SLC45A3: variants seen among roughly 807,000 people sequenced by gnomAD.
The protein encoded by SLC45A3 is solute carrier family 45 member 3.
In SLC45A3, 17 loss-of-function variants were observed where a neutral mutation model predicts 35.3. The observed-to-expected ratio is 0.48, with a 90% CI of 0.33 to 0.72. The LOEUF (loss-of-function observed/expected upper bound fraction) is 0.72. Among genes scored for constraint, SLC45A3 ranks in the 30% least tolerant of loss-of-function variants. The pLI is 0.02. For missense variants in SLC45A3, 597 were observed against 731.7 expected (o/e 0.82, Z 2.12); for synonymous variants, 288 against 334.3 (o/e 0.86, Z 1.51).
chr1:205,664,494 T>C lies in SLC45A3; in HGVS notation c.163A>G (p.Met55Val). ...EVGVEEKFMT[M>V]VLGIGPVLGL... is the part of the protein sequence containing the mutation. Reference sequence around the variant, plus strand: ...GGATGTAGTGACTCACCCAGCACCATGGTCATGAACTTCTCCTCTACCCCC... The same window carrying C: ...GGATGTAGTGACTCACCCAGCACCACGGTCATGAACTTCTCCTCTACCCCC... Residue 55 changes from methionine (M) to valine (V), a missense_variant, in exon 2 of 5, where the codon ATG becomes GTG. Coordinates refer to ENST00000367145, the MANE Select transcript of SLC45A3 (RefSeq NM_033102.3). The surrounding 1 kb of genome is among the most constrained non-coding windows in gnomAD (Gnocchi z 5.3). The C allele has an allele frequency of 6.2e-7, 1 of 1,614,102 alleles. No homozygotes were observed. The highest frequency in any genetic ancestry group is 8.5e-7 in the Non-Finnish European group (1 of 1,179,982).
rs1429690124 is a variant in SLC45A3, at chr1:205,669,905, C to T, written c.-230-5019G>A. ...GCCCTGCCCCAGGTCAGTGAGATGG[C>T]AGAGAAGGGGCAACCCCAGCACCTT... On this transcript the variant is annotated intron_variant, in intron 1 of 4. Transcript: ENST00000367145. This position sits in a 1 kb window ranked among gnomAD's most constrained non-coding sequence, Gnocchi z 4.1. Among the ~76,000 whole-genome samples the T allele has an allele frequency of 6.6e-6, 1 of 152,208 alleles. No individual in the cohort carries two copies. The highest frequency in any genetic ancestry group is 1.5e-5 in the Non-Finnish European group (1 of 68,030).
At chr1:205,670,886 G>A (rs1405254103) in intron 1 of SLC45A3, among the ~76,000 whole-genome samples, 1 of 152,204 alleles carries the variant, frequency 6.6e-6, no homozygotes, top group Non-Finnish European at 1.5e-5. Flanking sequence ...GGGCAGAGGG[G>A]GCACACCACA....
At chr1:205,677,931 T>C (rs1031013347) in intron 1 of SLC45A3, among the ~76,000 whole-genome samples, 3 of 152,226 alleles carry the variant, frequency 2.0e-5, no homozygotes, top group African/African-American at 7.2e-5. Context: ...GTATTATCAT[T>C]CCCATTTTGC....
At position 205,662,043 on chromosome 1, in the gene SLC45A3, G is replaced by A. The variant is rs771347315; in HGVS notation, c.1042C>T (p.Arg348Ter). The change falls in exon 4 of 5, where the codon CGA (arginine) becomes TGA (stop). Residue 348 changes from arginine to a stop codon, truncating the protein, a stop_gained. Transcript: ENST00000367145. LOFTEE classifies it high-confidence loss of function. This position sits in a 1 kb window ranked among gnomAD's most constrained non-coding sequence, Gnocchi z 6.2. ...FSLVMDRLVQ[R>*]FGTRAVYLAS... ...AAATAGACTGCTCGAGTGCCGAATC[G>A]CTGCACCAGCCGGTCCATGACCAGA... is the stretch of plus-strand genomic sequence containing the variant. The A allele has an allele frequency of 5.0e-6, 8 of 1,613,610 alleles. No homozygotes were observed. Among genetic ancestry groups the A allele is most frequent in the African/African-American group, 1.3e-5 (1 of 74,928 alleles).
At position 205,659,810 on chromosome 1, in the gene SLC45A3, T is replaced by C. The variant is rs1670987994; in HGVS notation, c.1225-139A>G. ...TGAGAATCAGGAGCAGGAGAGAAGA[T>C]GGAGACCCTACTTGGTCCAAGTCTA... On this transcript the variant is annotated intron_variant, in intron 4 of 4. Coordinates refer to ENST00000367145, the MANE Select transcript of SLC45A3 (RefSeq NM_033102.3). This position sits in a 1 kb window ranked among gnomAD's most constrained non-coding sequence, Gnocchi z 5.8. The C allele has an allele frequency of 2.5e-6, 2 of 801,026 alleles. No individual in the cohort carries two copies. Among genetic ancestry groups the C allele is most frequent in the Non-Finnish European group, 3.7e-6 (2 of 537,010 alleles). The allele number at this position is 801,026 out of a possible 1,614,324, so 49.6% of individuals were successfully genotyped here. A position where few individuals can be genotyped will look rare whatever the true frequency, so the allele number is the denominator to read the frequency against.
At chr1:205,667,862 G>C in intron 1 of SLC45A3, among the ~76,000 whole-genome samples, 1 of 152,106 alleles carries the variant, frequency 6.6e-6, no homozygotes, top group East Asian at 1.9e-4. Context: ...AAAGAGAAGA[G>C]TGCCCCCCAC....
At chr1:205,677,871 T>C (rs1414788371) in intron 1 of SLC45A3, among the ~76,000 whole-genome samples, 1 of 152,220 alleles carries the variant, frequency 6.6e-6, no homozygotes, top group Non-Finnish European at 1.5e-5. Flanking sequence ...TAATTATATG[T>C]TTATAAATTT....
In SLC45A3 at chr1:205,662,656, C is replaced by T. The variant is rs1289491063; in HGVS notation, c.958+177G>A. On this transcript the variant is annotated intron_variant, in intron 3 of 4. Transcript: ENST00000367145. This position sits in a 1 kb window ranked among gnomAD's most constrained non-coding sequence, Gnocchi z 6.2. ...GAGCAGCCAGAGGCCTTCCTGAAAC[C>T]GCAAGCAGAGATGTTCCACACCCAT... 5 of 1,386,856 alleles carry T rather than the reference C, an allele frequency of 3.6e-6. No homozygotes were observed. In the African/African-American group the frequency reaches 4.4e-5, roughly 12 times the overall value. The allele number at this position is 1,386,856 out of a possible 1,614,324, so 85.9% of individuals were successfully genotyped here.
At chr1:205,665,728 G>A (rs1333215650) in intron 1 of SLC45A3, among the ~76,000 whole-genome samples, 1 of 152,166 alleles carries the variant, frequency 6.6e-6, no homozygotes, top group Non-Finnish European at 1.5e-5. Flanking sequence ...ATTTTTCGGT[G>A]CTCTTTTCAA....
At chr1:205,661,466 G>T (rs1180281261) in intron 4 of SLC45A3, among the ~76,000 whole-genome samples, 2 of 152,208 alleles carry the variant, frequency 1.3e-5, no homozygotes, top group Admixed American at 1.3e-4. Flanking sequence ...GAAAGGTGTT[G>T]CTAAGGCTGG....
chr1:205,670,937 C>A (rs569002386), intron 1 of SLC45A3, among the ~76,000 whole-genome samples: 6 of 152,358 alleles, frequency 3.9e-5, no homozygotes, highest in African/African-American at 1.4e-4. Context: ...CCCCACTCAC[C>A]CCCAATGTGT....
At position 205,669,373 on chromosome 1, in the gene SLC45A3, C is replaced by T. The variant is rs913945815; in HGVS notation, c.-230-4487G>A. On this transcript the variant is annotated intron_variant, in intron 1 of 4. Coordinates refer to ENST00000367145, the MANE Select transcript of SLC45A3 (RefSeq NM_033102.3). The surrounding 1 kb of genome is among the most constrained non-coding windows in gnomAD (Gnocchi z 4.1). ...TGGCAGAGAAGGAGGAAAGCTGACC[C>T]GAGCCCACTCCCTGGTAGCTCCCTA... Among the ~76,000 whole-genome samples, 2 of 152,170 alleles carry T rather than the reference C, an allele frequency of 1.3e-5. No homozygotes were observed. The highest frequency in any genetic ancestry group is 1.5e-5 in the Non-Finnish European group (1 of 68,024).
rs1671046439 is a variant in SLC45A3 at position 205,662,574 on chromosome 1, A to AAGGG, written c.958+258_958+259insCCCT. 7.5e-7 allele frequency: 1 copy of AAGGG among 1,326,610 alleles called. No individual in the cohort carries two copies. Among genetic ancestry groups the AAGGG allele is most frequent in the South Asian group, 2.3e-5 (1 of 42,988 alleles). The allele number at this position is 1,326,610 out of a possible 1,614,324, so 82.2% of individuals were successfully genotyped here. A position where few individuals can be genotyped will look rare whatever the true frequency, so the allele number is the denominator to read the frequency against. Reference sequence around the variant, plus strand: ...ACTCCTCCACTCCCTCTAGACTTTGAATAAGCTCCGCCTTTCCTTCTGTCA... The same window carrying AAGGG: ...ACTCCTCCACTCCCTCTAGACTTTGAAGGGATAAGCTCCGCCTTTCCTTCTGTCA... On this transcript the variant is annotated intron_variant, in intron 3 of 4. Transcript: ENST00000367145. The surrounding 1 kb of genome is among the most constrained non-coding windows in gnomAD (Gnocchi z 6.2).
Position 205,674,967 on chromosome 1 carries a change from C to T in SLC45A3, c.-231+5427G>A, listed in dbSNP as rs930298867. Among the ~76,000 whole-genome samples the T allele has an allele frequency of 5.3e-5, 8 of 152,322 alleles. No homozygotes were observed. In the South Asian group the frequency reaches 6.2e-4, roughly 12 times the overall value. On this transcript the variant is annotated intron_variant, in intron 1 of 4. Coordinates refer to ENST00000367145, the MANE Select transcript of SLC45A3 (RefSeq NM_033102.3). ...CTGACCTCAGCTGATCCACCCAACTCGGCCTCCCAAAGTGCTGGGATTACA... is the reference window on the plus strand; with the variant it reads ...CTGACCTCAGCTGATCCACCCAACTTGGCCTCCCAAAGTGCTGGGATTACA...
At chr1:205,665,626 C>A (rs761896704) in intron 1 of SLC45A3, among the ~76,000 whole-genome samples, 1 of 152,168 alleles carries the variant, frequency 6.6e-6, no homozygotes, top group Non-Finnish European at 1.5e-5. Flanking sequence ...CCTGGCAATA[C>A]CTGTAATGAT....
At chr1:205,678,356 C>T (rs765772198) in intron 1 of SLC45A3, among the ~76,000 whole-genome samples, 5 of 152,148 alleles carry the variant, frequency 3.3e-5, no homozygotes, top group Admixed American at 1.3e-4. Context: ...GGGTTTTTAT[C>T]CATGTTGACT....
rs113563932 is a variant in SLC45A3 at position 205,678,271 on chromosome 1, C to T, written c.-231+2123G>A. 1.0e-2 allele frequency among the ~76,000 whole-genome samples: 1,516 copies of T among 152,222 alleles called. 26 individuals are homozygous for T. Among genetic ancestry groups the T allele is most frequent in the African/African-American group, 0.034 (1,421 of 41,512 alleles). On this transcript the variant is annotated intron_variant, in intron 1 of 4. Coordinates refer to ENST00000367145, the MANE Select transcript of SLC45A3 (RefSeq NM_033102.3). ...GGCGGAGGCTGCAGTGAGCTGAGATCGTGACATTGCACTCCAGCCTGGGCA... is the reference window on the plus strand; with the variant it reads ...GGCGGAGGCTGCAGTGAGCTGAGATTGTGACATTGCACTCCAGCCTGGGCA...
At position 205,666,541 on chromosome 1, in the gene SLC45A3, G is replaced by A. The variant is rs1406602960; in HGVS notation, c.-230-1655C>T. Among the ~76,000 whole-genome samples the A allele has an allele frequency of 6.6e-6, 1 of 152,152 alleles. No homozygotes were observed. Among genetic ancestry groups the A allele is most frequent in the Non-Finnish European group, 1.5e-5 (1 of 68,022 alleles). Reference sequence around the variant, plus strand: ...CAGATGGCTATCAGTCCTGGGTAAGGTCTGTTCACTCCACCACCACCTTCA... The same window carrying A: ...CAGATGGCTATCAGTCCTGGGTAAGATCTGTTCACTCCACCACCACCTTCA... On this transcript the variant is annotated intron_variant, in intron 1 of 4. Coordinates refer to ENST00000367145, the MANE Select transcript of SLC45A3 (RefSeq NM_033102.3). This position sits in a 1 kb window ranked among gnomAD's most constrained non-coding sequence, Gnocchi z 4.1.
At chr1:205,660,984 C>T (rs758234065) in intron 4 of SLC45A3, among the ~76,000 whole-genome samples, 49 of 152,224 alleles carry the variant, frequency 3.2e-4, no homozygotes, top group Admixed American at 2.5e-3. Context: ...TGCTACGAGA[C>T]GCAGGGGCAG....
Sources: allele counts gnomAD v4.1 joint callset (sites outside exome capture counted in the v4.1 genomes callset), GRCh38; gene constraint gnomAD v4.1.1; non-coding constraint Gnocchi (gnomAD v3.1); transcripts MANE v1.5; gene names NCBI Gene and HGNC (gene_info 2026-07-23, HGNC 2026-07-21).